NTAQ1: variants seen among roughly 807,000 people sequenced by gnomAD.
NTAQ1 encodes the protein N-terminal glutamine amidase 1, also known as protein N-terminal glutamine amidohydrolase.
NTAQ1 carries 21 observed loss-of-function variants against 28.2 expected under a neutral mutation model. That is an observed-to-expected ratio of 0.74 (90% confidence interval 0.53 to 1.07). NTAQ1 has a LOEUF of 1.07. Among genes scored for constraint, NTAQ1 ranks in the 50% least tolerant of loss-of-function variants. The pLI, the probability that NTAQ1 is intolerant of heterozygous loss-of-function variation, is 0.00. For missense variants in NTAQ1, 264 were observed against 256.6 expected (o/e 1.03, Z -0.20); for synonymous variants, 105 against 90.0 (o/e 1.17, Z -0.94).
intron 6 of NTAQ1, among the ~76,000 whole-genome samples, chr8:123,461,337 G>A (rs1291551936): frequency 1.3e-5 from 2 of 152,024 alleles, no homozygotes; most frequent in Admixed American, 1.3e-4. Context: ...CTTGACTCAC[G>A]TCCCCACTCC....
chr8:123,437,092 A>G (rs1278728648), intron 4 of NTAQ1, 118 bp from the exon 5 acceptor site: 6 of 1,368,634 alleles, frequency 4.4e-6, no homozygotes, highest in Admixed American at 4.1e-5. Flanking sequence ...ATTACTAACC[A>G]TACAGAAATG....
At chr8:123,462,402 G>A (rs1487580292) in intron 6 of NTAQ1, among the ~76,000 whole-genome samples, 1 of 152,064 alleles carries the variant, frequency 6.6e-6, no homozygotes, top group Non-Finnish European at 1.5e-5. Flanking sequence ...AAAGAACATT[G>A]GGTGGATTTT....
chr8:123,430,810 A>C (rs1814350242), intron 3 of NTAQ1, among the ~76,000 whole-genome samples: 1 of 152,198 alleles, frequency 6.6e-6, no homozygotes, highest in African/African-American at 2.4e-5. Flanking sequence ...TTTCTGATTT[A>C]GTAAATCTAG....
rs33920843 is a variant in NTAQ1, at chr8:123,427,247, C to CTTTT, written c.84-658_84-655dup. Among the ~76,000 whole-genome samples, 83 of 81,586 alleles carry CTTTT rather than the reference C, an allele frequency of 1.0e-3. 1 individual carries two copies. Among genetic ancestry groups the CTTTT allele is most frequent in the African/African-American group, 1.2e-3 (24 of 20,348 alleles). 53.5% of individuals were successfully genotyped at this position (81,586 alleles called of 152,430 possible). A position where few individuals can be genotyped will look rare whatever the true frequency, so the allele number is the denominator to read the frequency against. The stretch of plus-strand genomic sequence containing the variant: ...CTTGGAGAAGTCAAGATGGTCAAAG[C>CTTTT]TTTTTTTTTTTTTTTTTTTTTTGAG... On this transcript the variant is annotated intron_variant, in intron 1 of 5. Transcript: ENST00000287387.
At chr8:123,439,264 C>T (rs1563894738) in intron 5 of NTAQ1, among the ~76,000 whole-genome samples, 1 of 151,958 alleles carries the variant, frequency 6.6e-6, no homozygotes. Flanking sequence ...CTGCAACCTC[C>T]ATCTCCTGAG....
At chr8:123,456,098 C>G (rs1281300393) in intron 6 of NTAQ1, among the ~76,000 whole-genome samples, 2 of 152,114 alleles carry the variant, frequency 1.3e-5, no homozygotes, top group Non-Finnish European at 2.9e-5. Context: ...TAGTGGCCCT[C>G]CCCAAAAAGG....
At chr8:123,436,905 G>A (rs544618562) in intron 4 of NTAQ1, among the ~76,000 whole-genome samples, 34 of 152,176 alleles carry the variant, frequency 2.2e-4, no homozygotes, top group Non-Finnish European at 3.5e-4. Context: ...GGGATACCTC[G>A]TGCTGTCACC....
At chr8:123,431,936 C>T (rs1259173677) in intron 3 of NTAQ1, among the ~76,000 whole-genome samples, 1 of 152,152 alleles carries the variant, frequency 6.6e-6, no homozygotes, top group Admixed American at 6.6e-5. Flanking sequence ...GATTTTGAGT[C>T]GTGGTCTTAC....
downstream of NTAQ1, among the ~76,000 whole-genome samples, chr8:123,445,512 T>C (rs1162250118): frequency 1.4e-5 from 2 of 142,984 alleles, no homozygotes; most frequent in East Asian, 4.4e-4. Context: ...ATAAGTTGTT[T>C]TTTGCTTCTT....
intron 1 of NTAQ1, among the ~76,000 whole-genome samples, chr8:123,418,282 C>G (rs1813433787): frequency 6.6e-6 from 1 of 151,998 alleles, no homozygotes; most frequent in African/African-American, 2.4e-5. Context: ...GAAACCCTGC[C>G]TCTACTAAAA....
chr8:123,464,394 A>G (rs1815912455), intron 6 of NTAQ1, among the ~76,000 whole-genome samples: 1 of 152,162 alleles, frequency 6.6e-6, no homozygotes, highest in Non-Finnish European at 1.5e-5. Flanking sequence ...AACAGCAGGG[A>G]AATGCTCGTG....
At position 123,439,559 on chromosome 8, in the gene NTAQ1, G is replaced by T. The variant is rs368664856; in HGVS notation, c.509-1747G>T. Among the ~76,000 whole-genome samples the T allele has an allele frequency of 4.0e-3, 605 of 152,054 alleles. 3 individuals carry two copies. The highest frequency in any genetic ancestry group is 4.7e-3 in the Non-Finnish European group (319 of 67,988). On this transcript the variant is annotated intron_variant, in intron 5 of 5. Transcript: ENST00000287387. Reference sequence around the variant, plus strand: ...GATGGGGTCTTACCGTGTTAGCCAGGATGGTCTCGATCTCCTGACCTCGTG... The same window carrying T: ...GATGGGGTCTTACCGTGTTAGCCAGTATGGTCTCGATCTCCTGACCTCGTG...
At chr8:123,458,531 G>A (rs981316304) in intron 6 of NTAQ1, among the ~76,000 whole-genome samples, 23 of 151,942 alleles carry the variant, frequency 1.5e-4, no homozygotes, top group Middle Eastern at 6.3e-3. Context: ...TGCGATCTGG[G>A]TACAGAAATG....
rs550591818 is a variant in NTAQ1 at position 123,462,752 on chromosome 8, A to G, written c.373-4327A>G. ...CTCCAGAGCTCATGCATTCATGGGC[A>G]TGGCTACAGGTACCCTTCTCTTCAC... On this transcript the variant is annotated intron_variant, in intron 6 of 6. Transcript: ENST00000650311. Among the ~76,000 whole-genome samples the G allele has an allele frequency of 3.3e-5, 5 of 152,320 alleles. No homozygotes were observed. In the South Asian group the frequency reaches 6.2e-4, roughly 19 times the overall value.
chr8:123,437,734 A>G (rs374670005), intron 5 of NTAQ1, among the ~76,000 whole-genome samples: 1 of 151,378 alleles, frequency 6.6e-6, no homozygotes, highest in Non-Finnish European at 1.5e-5. Context: ...ACAAAAAACA[A>G]AAAATTCCAT....
chr8:123,431,950 C>A (rs574483446), intron 3 of NTAQ1, among the ~76,000 whole-genome samples: 4 of 152,282 alleles, frequency 2.6e-5, no homozygotes, highest in African/African-American at 9.6e-5. Flanking sequence ...GTCTTACTCC[C>A]CATCCTAGGG....
At chr8:123,417,695 T>G (rs1813387147) in intron 1 of NTAQ1, among the ~76,000 whole-genome samples, 2 of 152,058 alleles carry the variant, frequency 1.3e-5, no homozygotes, top group African/African-American at 2.4e-5. Context: ...CTAAACCTAC[T>G]CCTCCCCCTT....
At chr8:123,462,133 C>T (rs1489310066) in intron 6 of NTAQ1, among the ~76,000 whole-genome samples, 1 of 152,120 alleles carries the variant, frequency 6.6e-6, no homozygotes, top group Non-Finnish European at 1.5e-5. Flanking sequence ...ACAACCTCCT[C>T]CTCCCAGGTT....
chr8:123,416,978 C>G (rs1427397612), intron 1 of NTAQ1, 46 bp downstream of exon 1: 1 of 1,394,436 alleles, frequency 7.2e-7, no homozygotes, highest in Admixed American at 2.9e-5. Context: ...GGCTCCCGGG[C>G]GGCGAGTCGC....
Sources: gnomAD v4.1 joint callset for allele counts (sites outside exome capture counted in the v4.1 genomes callset) on GRCh38, gnomAD v4.1.1 for gene constraint, MANE v1.5 for transcripts, NCBI Gene and HGNC (gene_info 2026-07-23, HGNC 2026-07-21) for gene names.